The following CHKA variants were observed in gnomAD, a reference collection of about 807,000 sequenced individuals.
CHKA encodes CHETK-alpha.
A neutral mutation model predicts 60.1 loss-of-function variants in CHKA; 34 were observed. That is an observed-to-expected ratio of 0.57 (90% CI 0.43 to 0.75). The LOEUF (loss-of-function observed/expected upper bound fraction) is 0.75. CHKA is among the 30% of genes least tolerant of loss of function. The pLI is 0.00. For synonymous variants in CHKA, 217 were observed against 223.1 expected (o/e 0.97, Z 0.24); for missense variants, 563 against 561.3 (o/e 1.00, Z -0.03).
In CHKA at chr11:68,095,733, A is replaced by AAC. The variant is rs1555011706; in HGVS notation, c.462+1284_462+1285dup. On this transcript the variant is annotated intron_variant, in intron 2 of 11. Coordinates refer to ENST00000265689, the MANE Select transcript of CHKA (RefSeq NM_001277.3). ...CAAAAAAAAAAAAAAAAAAAAAAAA[A>AAC]ACAACAGGTATCAAAATCCTACCAC... Among the ~76,000 whole-genome samples the AAC allele has an allele frequency of 1.9e-3, 260 of 133,520 alleles. 21 individuals carry two copies. Among genetic ancestry groups the AAC allele is most frequent in the African/African-American group, 6.4e-3 (216 of 33,650 alleles). 87.6% of individuals were successfully genotyped at this position (133,520 alleles called of 152,430 possible).
chr11:68,069,072 A>G, intron 6 of CHKA, 135 bp from the exon 7 acceptor site: 1 of 631,900 alleles, frequency 1.6e-6, no homozygotes, highest in African/African-American at 1.8e-5. Context: ...TGTGATGTGA[A>G]TTCTGACAAC....
intron 1 of CHKA, among the ~76,000 whole-genome samples, chr11:68,108,532 C>G (rs1234428402): frequency 6.6e-6 from 1 of 152,202 alleles, no homozygotes; most frequent in African/African-American, 2.4e-5. Flanking sequence ...ATCACGAGGT[C>G]AGGAGATCGA....
At chr11:68,101,157 C>T (rs2153025769) in intron 1 of CHKA, among the ~76,000 whole-genome samples, 1 of 151,904 alleles carries the variant, frequency 6.6e-6, no homozygotes, top group East Asian at 1.9e-4. Flanking sequence ...ACCGTGTTAG[C>T]CAGGATGGTC....
At chr11:68,090,015 A>G (rs1247729765) in intron 2 of CHKA, 1 of 152,226 alleles carries the variant, frequency 6.6e-6, no homozygotes, top group Non-Finnish European at 1.5e-5. Flanking sequence ...TGGACCAGAA[A>G]TCCGCATTGG....
At chr11:68,098,852 C>T (rs905713409) in intron 1 of CHKA, among the ~76,000 whole-genome samples, 8 of 146,916 alleles carry the variant, frequency 5.4e-5, no homozygotes, top group Non-Finnish European at 3.0e-5. Context: ...TGCCAGCATG[C>T]TTAGCTAATT....
At chr11:68,079,014 G>A (rs948785468) in intron 3 of CHKA, among the ~76,000 whole-genome samples, 1 of 148,350 alleles carries the variant, frequency 6.7e-6, no homozygotes, top group Non-Finnish European at 1.5e-5. Flanking sequence ...GCTCACTGAA[G>A]CCTCCGCCTC....
chr11:68,087,494 A>T (rs552453022), intron 2 of CHKA, among the ~76,000 whole-genome samples: 1 of 152,222 alleles, frequency 6.6e-6, no homozygotes, highest in South Asian at 2.1e-4. Flanking sequence ...ACACACACAC[A>T]AAAAAATCAT....
intron 10 of CHKA, among the ~76,000 whole-genome samples, chr11:68,063,646 C>A (rs923035829): frequency 6.6e-6 from 1 of 152,154 alleles, no homozygotes; most frequent in Non-Finnish European, 1.5e-5. Flanking sequence ...TGTCTCCCCA[C>A]CCAAATCTCA....
At chr11:68,120,049 A>T (rs1858557927) in intron 1 of CHKA, among the ~76,000 whole-genome samples, 1 of 151,972 alleles carries the variant, frequency 6.6e-6, no homozygotes, top group African/African-American at 2.4e-5. Flanking sequence ...ACGAACATGG[A>T]GAAACCTTGT....
chr11:68,065,655 C>G lies in CHKA; in HGVS notation c.1125+131G>C, dbSNP rs574243720. 3 of 632,794 alleles carry G rather than the reference C, an allele frequency of 4.7e-6. No individual in the cohort carries two copies. The Admixed American group carries it at 7.3e-5, about 15-fold the overall frequency. The allele number at this position is 632,794 out of a possible 1,614,324, so 39.2% of individuals were successfully genotyped here. ...GGTCAAGGGTACAGTGAGCCATGAT[C>G]GCACTACTGCACTCCAGCCTGGGAA... On this transcript the variant is annotated intron_variant, in intron 9 of 11. Coordinates refer to ENST00000265689, the MANE Select transcript of CHKA (RefSeq NM_001277.3).
chr11:68,085,417 C>T (rs1271247785), intron 2 of CHKA, among the ~76,000 whole-genome samples: 1 of 151,648 alleles, frequency 6.6e-6, no homozygotes, highest in Non-Finnish European at 1.5e-5. Flanking sequence ...GACAAGATCT[C>T]ACTATGTTAC....
chr11:68,082,109 A>T (rs1368492761), intron 2 of CHKA: 1 of 152,094 alleles, frequency 6.6e-6, no homozygotes, highest in Non-Finnish European at 1.5e-5. Flanking sequence ...ATATTAAGAA[A>T]TACTTATATC....
At chr11:68,092,266 A>G (rs1259378360) in intron 2 of CHKA, among the ~76,000 whole-genome samples, 1 of 152,168 alleles carries the variant, frequency 6.6e-6, no homozygotes, top group Non-Finnish European at 1.5e-5. Context: ...ATTAATGCAA[A>G]TCTTGACAAT....
rs142015549 is a variant in CHKA at position 68,084,387 on chromosome 11, T to C, written c.463-2930A>G. On this transcript the variant is annotated intron_variant, in intron 2 of 11. Transcript: ENST00000265689. ...ACATATATACGTATATGTGTATATA[T>C]ATACACACATATACGTATATATGTG... 9.2e-3 allele frequency among the ~76,000 whole-genome samples: 1,189 copies of C among 129,724 alleles called. 12 individuals carry two copies. Among genetic ancestry groups the C allele is most frequent in the African/African-American group, 0.029 (1,026 of 35,912 alleles). 85.1% of individuals were successfully genotyped at this position (129,724 alleles called of 152,430 possible).
intron 1 of CHKA, among the ~76,000 whole-genome samples, chr11:68,120,620 G>A (rs1445275770): frequency 1.3e-5 from 2 of 152,314 alleles, no homozygotes; most frequent in African/African-American, 2.4e-5. Flanking sequence ...ACGGCCTGCG[G>A]CGGCCGCGAA....
rs1277128447 is a variant in CHKA at position 68,053,928 on chromosome 11, C to A, written c.*60G>T. 2.7e-6 allele frequency: 4 copies of A among 1,475,190 alleles called. No homozygotes were observed. The highest frequency in any genetic ancestry group is 3.8e-6 in the Non-Finnish European group (4 of 1,059,778). The allele number at this position is 1,475,190 out of a possible 1,614,324, so 91.4% of individuals were successfully genotyped here. On this transcript the variant is annotated 3_prime_UTR_variant, in exon 12 of 12. Coordinates refer to ENST00000265689, the MANE Select transcript of CHKA (RefSeq NM_001277.3). The stretch of plus-strand genomic sequence containing the variant: ...AGCAGTAGTCGAAGCACAGAGGGGA[C>A]CCCGCTCTGCTGCCTCCCCATGCAG...
chr11:68,105,514 C>CAAAAAAAAAA (rs1170085830), intron 1 of CHKA, among the ~76,000 whole-genome samples: 22 of 64,952 alleles, frequency 3.4e-4, no homozygotes, highest in South Asian at 6.5e-4. Flanking sequence ...GACTCCATCT[C>CAAAAAAAAAA]AAAAAAAAAA....
chr11:68,066,595 G>T, intron 7 of CHKA, 79 bp from the exon 8 acceptor site: 1 of 1,098,190 alleles, frequency 9.1e-7, no homozygotes, highest in Non-Finnish European at 1.4e-6. Flanking sequence ...CGAGAGAATG[G>T]ATTTGATCCC....
intron 2 of CHKA, among the ~76,000 whole-genome samples, chr11:68,095,021 G>A (rs1016259709): frequency 6.6e-6 from 1 of 152,036 alleles, no homozygotes; most frequent in African/African-American, 2.4e-5. Flanking sequence ...AGATTGAGCT[G>A]AAATAGGCCG....
Sources: gnomAD v4.1 joint callset for allele counts (sites outside exome capture counted in the v4.1 genomes callset) on GRCh38, gnomAD v4.1.1 for gene constraint, MANE v1.5 for transcripts, NCBI Gene and HGNC (gene_info 2026-07-23, HGNC 2026-07-21) for gene names.